The following LGR5 variants were observed in gnomAD, a reference collection of about 807,000 sequenced individuals.
LGR5 encodes the protein leucine rich repeat containing G protein-coupled receptor 5.
LGR5 carries 54 observed loss-of-function variants against 76.7 expected under a neutral mutation model. The observed-to-expected ratio is 0.70, with a 90% CI of 0.57 to 0.88. The LOEUF (loss-of-function observed/expected upper bound fraction) is 0.88, where lower values mean the gene tolerates loss of function less well. LGR5 is among the 40% of genes least tolerant of loss of function. LGR5 has a pLI of 0.00. For missense variants in LGR5, 1,078 were observed against 1,073.3 expected (o/e 1.00, Z -0.06); for synonymous variants, 406 against 421.9 (o/e 0.96, Z 0.46).
intron 2 of LGR5, among the ~76,000 whole-genome samples, chr12:71,512,045 G>A (rs1475817858): frequency 1.3e-5 from 2 of 152,162 alleles, no homozygotes; most frequent in African/African-American, 4.8e-5. Flanking sequence ...AGGCTGCAGT[G>A]CAGTGGCACG....
rs147361802 is a variant in LGR5 at position 71,482,785 on chromosome 12, C to T, written c.213-21829C>T. ...AGTGTCAAGACTGGGAAATTCTTTC[C>T]TACTTCCAAAGCCAGTAGTTTGATA... On this transcript the variant is annotated intron_variant, in intron 1 of 17. Transcript: ENST00000266674. Among the ~76,000 whole-genome samples, 248 of 152,290 alleles carry T rather than the reference C, an allele frequency of 1.6e-3. 3 individuals carry two copies. In the East Asian group the frequency reaches 0.025, roughly 15 times the overall value.
intron 2 of LGR5, among the ~76,000 whole-genome samples, chr12:71,507,228 T>C (rs1037535542): frequency 2.0e-5 from 3 of 152,128 alleles, no homozygotes; most frequent in Non-Finnish European, 4.4e-5. Context: ...GATTCAAACC[T>C]AGGTCAAAGC....
At chr12:71,558,988 T>C (rs775777641) in intron 6 of LGR5, among the ~76,000 whole-genome samples, 1 of 152,182 alleles carries the variant, frequency 6.6e-6, no homozygotes, top group Non-Finnish European at 1.5e-5. Context: ...TCTGAATTAT[T>C]TGTGACTCCT....
intron 3 of LGR5, among the ~76,000 whole-genome samples, chr12:71,531,985 T>C (rs1295967539): frequency 6.6e-6 from 1 of 152,186 alleles, no homozygotes; most frequent in Non-Finnish European, 1.5e-5. Context: ...TATCTGAAAC[T>C]CTCATCTTCC....
chr12:71,555,212 A>G (rs1295914931), intron 5 of LGR5, among the ~76,000 whole-genome samples: 1 of 152,198 alleles, frequency 6.6e-6, no homozygotes, highest in African/African-American at 2.4e-5. Flanking sequence ...TTGTGATATT[A>G]AAAAATTTCT....
chr12:71,567,947 T>C (rs1878430978), intron 11 of LGR5, among the ~76,000 whole-genome samples: 1 of 152,210 alleles, frequency 6.6e-6, no homozygotes, highest in African/African-American at 2.4e-5. Context: ...GAAGCGAGTT[T>C]GAATTCAAAT....
intron 4 of LGR5, among the ~76,000 whole-genome samples, chr12:71,539,111 C>T (rs1876746870): frequency 6.6e-6 from 1 of 152,154 alleles, no homozygotes; most frequent in Non-Finnish European, 1.5e-5. Flanking sequence ...AAATGCAGAA[C>T]ACTTGGTCTC....
intron 8 of LGR5, 115 bp downstream of exon 8, chr12:71,561,967 G>A (rs940612187): frequency 4.8e-6 from 3 of 624,910 alleles, no homozygotes; most frequent in Non-Finnish European, 8.0e-6. Context: ...CAATCTAAGA[G>A]TTCATACAGA....
intron 8 of LGR5, among the ~76,000 whole-genome samples, chr12:71,564,912 A>G (rs1409542217): frequency 6.6e-6 from 1 of 151,082 alleles, no homozygotes; most frequent in Non-Finnish European, 1.5e-5. Flanking sequence ...ATACCCACAC[A>G]CTATATATAC....
At chr12:71,493,076 C>A (rs1394651858) in intron 1 of LGR5, among the ~76,000 whole-genome samples, 1 of 151,266 alleles carries the variant, frequency 6.6e-6, no homozygotes, top group Non-Finnish European at 1.5e-5. Context: ...TATTTTAAGA[C>A]CAGAATGTTT....
chr12:71,512,216 C>G (rs926465359), intron 2 of LGR5, among the ~76,000 whole-genome samples: 2 of 152,164 alleles, frequency 1.3e-5, no homozygotes, highest in Non-Finnish European at 2.9e-5. Context: ...GTCTCGAACT[C>G]CTGATCTCAA....
intron 1 of LGR5, among the ~76,000 whole-genome samples, chr12:71,450,215 G>A (rs1044539858): frequency 5.3e-5 from 8 of 152,096 alleles, no homozygotes; most frequent in Admixed American, 2.0e-4. Context: ...TCAAATACTC[G>A]AATGAACTCA....
intron 2 of LGR5, among the ~76,000 whole-genome samples, chr12:71,506,657 A>T (rs1363637219): frequency 6.6e-6 from 1 of 152,212 alleles, no homozygotes; most frequent in Non-Finnish European, 1.5e-5. Context: ...AAGACTATTC[A>T]TTCCATTGCC....
At chr12:71,525,345 G>C (rs1875938569) in intron 3 of LGR5, among the ~76,000 whole-genome samples, 1 of 151,700 alleles carries the variant, frequency 6.6e-6, no homozygotes, top group South Asian at 2.1e-4. Flanking sequence ...ACCGTTATTT[G>C]ATCGCCTTAG....
intron 1 of LGR5, among the ~76,000 whole-genome samples, chr12:71,467,689 CAA>C (rs1872921402): frequency 6.6e-6 from 1 of 152,164 alleles, no homozygotes; most frequent in African/African-American, 2.4e-5. Context: ...AGTGGACAAA[CAA>C]TGCCGATTTG....
In LGR5 at chr12:71,584,381, A is replaced by G; in HGVS notation, c.2371A>G (p.Ile791Val). ...PVAFLSFSSL[I>V]NLTFISPEVI... The stretch of plus-strand genomic sequence containing the variant: ...GGCTTTCTTGTCCTTCTCCTCTTTA[A>G]TAAACCTTACATTTATCAGTCCTGA... Residue 791 changes from isoleucine (I) to valine (V), a missense_variant, in exon 18 of 18, where the codon ATA (isoleucine) becomes GTA (valine). Transcript: ENST00000266674. The G allele has an allele frequency of 6.2e-7, 1 of 1,614,128 alleles. No homozygotes were observed. Among genetic ancestry groups the G allele is most frequent in the South Asian group, 1.1e-5 (1 of 91,066 alleles).
Position 71,493,808 on chromosome 12 carries a change from G to A in LGR5, c.213-10806G>A, listed in dbSNP as rs149980056. Among the ~76,000 whole-genome samples the A allele has an allele frequency of 7.0e-3, 978 of 140,210 alleles. 48 individuals carry two copies. Among genetic ancestry groups the A allele is most frequent in the African/African-American group, 0.025 (899 of 35,994 alleles). 92.0% of individuals were successfully genotyped at this position (140,210 alleles called of 152,430 possible). A position where few individuals can be genotyped will look rare whatever the true frequency, so the allele number is the denominator to read the frequency against. On this transcript the variant is annotated intron_variant, in intron 1 of 17. Transcript: ENST00000266674. ...TTTCGAGACAGGGTCATGCTCTGTCGCCTAAGCTGGAGTGCAGTGGTGCCA... is the reference window on the plus strand; with the variant it reads ...TTTCGAGACAGGGTCATGCTCTGTCACCTAAGCTGGAGTGCAGTGGTGCCA...
chr12:71,559,496 T>A, intron 6 of LGR5, 90 bp from the exon 7 acceptor site: 1 of 717,226 alleles, frequency 1.4e-6, no homozygotes, highest in Non-Finnish European at 2.4e-6. Flanking sequence ...TCATATGGGT[T>A]CCTTGGAATA....
At chr12:71,512,627 G>A (rs1382943245) in intron 2 of LGR5, among the ~76,000 whole-genome samples, 2 of 152,170 alleles carry the variant, frequency 1.3e-5, no homozygotes, top group African/African-American at 2.4e-5. Flanking sequence ...GGCAGTCAGG[G>A]ACTCATCAGT....
Sources: gnomAD v4.1 joint callset for allele counts (sites outside exome capture counted in the v4.1 genomes callset) on GRCh38, gnomAD v4.1.1 for gene constraint, MANE v1.5 for transcripts, NCBI Gene and HGNC (gene_info 2026-07-23, HGNC 2026-07-21) for gene names.